Variants in GNL2 observed in about 807,000 individuals in gnomAD.
GNL2 encodes G protein nucleolar 2, also known as nucleolar GTP-binding protein 2.
A neutral mutation model predicts 92.3 loss-of-function variants in GNL2; 51 were observed. That is an observed-to-expected ratio of 0.55 (90% confidence interval 0.44 to 0.70). The LOEUF is 0.70. GNL2 is among the 30% of genes least tolerant of loss of function. The probability of loss-of-function intolerance (pLI) is 0.00; values close to 1 mark genes in which losing one functional copy is unlikely to be tolerated. For missense variants in GNL2, 844 were observed against 895.6 expected (o/e 0.94, Z 0.74); for synonymous variants, 283 against 300.6 (o/e 0.94, Z 0.61).
chr1:37,575,384 G>T lies in GNL2; in HGVS notation c.1143+211C>A, dbSNP rs1643662318. On this transcript the variant is annotated intron_variant, in intron 10 of 15. Transcript: ENST00000373062. The surrounding 1 kb of genome is among the most constrained non-coding windows in gnomAD (Gnocchi z 4.1). ...GTGTGTAAACTACAAACTCTTTTGT[G>T]GGATGATATTGACCAGATATGCCCA... Among the ~76,000 whole-genome samples, 1 of 152,156 alleles carries T rather than the reference G, an allele frequency of 6.6e-6. No individual in the cohort carries two copies. Among genetic ancestry groups the T allele is most frequent in the Non-Finnish European group, 1.5e-5 (1 of 68,030 alleles).
chr1:37,577,326 G>A (rs1042422992), intron 8 of GNL2, among the ~76,000 whole-genome samples: 1 of 151,904 alleles, frequency 6.6e-6, no homozygotes, highest in Non-Finnish European at 1.5e-5. Flanking sequence ...TGAAAGTTAC[G>A]ACTACAGGGT....
intron 8 of GNL2, among the ~76,000 whole-genome samples, chr1:37,579,754 C>T (rs1421218528): frequency 4.8e-5 from 7 of 145,276 alleles, no homozygotes; most frequent in Admixed American, 2.1e-4. Context: ...AAATTAGCTG[C>T]GCGTTGTGGC....
At chr1:37,578,803 G>C (rs1242034219) in intron 8 of GNL2, among the ~76,000 whole-genome samples, 3 of 152,028 alleles carry the variant, frequency 2.0e-5, no homozygotes, top group African/African-American at 7.3e-5. Context: ...CAAGCGATCT[G>C]CCTGCCTCAT....
chr1:37,582,278 A>G lies in GNL2; in HGVS notation c.854T>C (p.Leu285Pro), dbSNP rs1009203045. 1 of 1,613,438 alleles carries G rather than the reference A, an allele frequency of 6.2e-7. No homozygotes were observed. The highest frequency in any genetic ancestry group is 1.3e-5 in the African/African-American group (1 of 74,918). Residue 285 changes from leucine to proline, a missense_variant, in exon 8 of 16, where the codon CTT becomes CCT. Transcript: ENST00000373062. ...TGCTCCCTTGCCAAACGGGTTAGTA[A>G]GGCTTGCATGGAAAGCAAGTGTTGG... ...DYPTLAFHAS[L>P]TNPFGKGAFI...
intron 1 of GNL2, 72 bp downstream of exon 1, chr1:37,595,687 C>A: frequency 7.7e-7 from 1 of 1,295,750 alleles, no homozygotes; most frequent in Non-Finnish European, 1.1e-6. Context: ...CCTCCTTCCC[C>A]TCCAGTGCTC....
At chr1:37,581,494 T>C (rs1053663520) in intron 8 of GNL2, 5 of 455,900 alleles carry the variant, frequency 1.1e-5, no homozygotes, top group Non-Finnish European at 2.2e-5. Flanking sequence ...GGGCAGAGGA[T>C]GCACAGCAGG....
intron 15 of GNL2, 85 bp from the exon 16 acceptor site, chr1:37,567,092 T>G (rs1643516482): frequency 1.5e-6 from 2 of 1,370,390 alleles, no homozygotes; most frequent in Admixed American, 4.3e-5. Context: ...CTGCTTCTCA[T>G]CTCTGTGTTC....
chr1:37,590,485 T>C (rs1643881271), intron 4 of GNL2, among the ~76,000 whole-genome samples: 1 of 152,166 alleles, frequency 6.6e-6, no homozygotes, highest in South Asian at 2.1e-4. Flanking sequence ...AGAGCAAGGA[T>C]TAAAATTCAG....
intron 12 of GNL2, among the ~76,000 whole-genome samples, chr1:37,571,726 G>A (rs771508271): frequency 6.6e-6 from 1 of 152,092 alleles, no homozygotes; most frequent in Non-Finnish European, 1.5e-5. Context: ...TGTGTGCATT[G>A]GGCAACAAAT....
At chr1:37,590,545 T>C (rs530817405) in intron 4 of GNL2, among the ~76,000 whole-genome samples, 161 bp downstream of exon 4, 2 of 152,342 alleles carry the variant, frequency 1.3e-5, no homozygotes, top group South Asian at 4.1e-4. Flanking sequence ...CTGCACCTCA[T>C]ACTAAACATG....
Position 37,581,767 on chromosome 1 carries a change from C to G in GNL2, c.909+456G>C, listed in dbSNP as rs562131043. 2.4e-3 allele frequency among the ~76,000 whole-genome samples: 368 copies of G among 152,248 alleles called. 1 individual carries two copies. Among genetic ancestry groups the G allele is most frequent in the African/African-American group, 8.4e-3 (347 of 41,546 alleles). ...GCAAACTCCGCCTCCCAGGTTCAAG[C>G]GATTCTCCTGCCTCAGTCTCCCCAG... On this transcript the variant is annotated intron_variant, in intron 8 of 15. Transcript: ENST00000373062.
At position 37,580,950 on chromosome 1, in the gene GNL2, C is replaced by T. The variant is rs186700904; in HGVS notation, c.909+1273G>A. ...CCAGCCTGTTAGAGTGGCCACCCTG[C>T]AGGCTGCAACCCTTTATGAGAAATA... On this transcript the variant is annotated intron_variant, in intron 8 of 15. Coordinates refer to ENST00000373062, the MANE Select transcript of GNL2 (RefSeq NM_013285.3). 2.6e-5 allele frequency among the ~76,000 whole-genome samples: 4 copies of T among 152,336 alleles called. No homozygotes were observed. In the East Asian group the frequency reaches 7.7e-4, roughly 29 times the overall value.
At chr1:37,576,849 C>A (rs546584860) in intron 8 of GNL2, among the ~76,000 whole-genome samples, 2 of 152,064 alleles carry the variant, frequency 1.3e-5, no homozygotes, top group Non-Finnish European at 2.9e-5. Flanking sequence ...CAGTGGCTCA[C>A]GCCTGTAATC....
chr1:37,585,112 T>C (rs1481110303), intron 5 of GNL2, among the ~76,000 whole-genome samples: 2 of 90 alleles, frequency 0.022, no homozygotes, highest in Non-Finnish European at 0.05. Context: ...CAGGCTGGAA[T>C]GAGTGGTGCG....
At chr1:37,576,302 T>A (rs1180643771) in intron 9 of GNL2, 126 bp downstream of exon 9, 1 of 822,874 alleles carries the variant, frequency 1.2e-6, no homozygotes, top group African/African-American at 1.7e-5. Flanking sequence ...AACTATTATA[T>A]GGTGAGCTAA....
In GNL2 at chr1:37,593,786, T is replaced by C. The variant is rs150954538; in HGVS notation, c.125A>G (p.Asn42Ser). ...CCTGCGCTCCTTTTGCCTATACATATTCAGGCGCCGGATGGTGGCCCGGTC... is the reference window on the plus strand; with the variant it reads ...CCTGCGCTCCTTTTGCCTATACATACTCAGGCGCCGGATGGTGGCCCGGTC... Reference protein sequence around the residue: ...MRDRATIRRLNMYRQKERRNS... With the variant: ...MRDRATIRRLSMYRQKERRNS... Residue 42 changes from asparagine to serine, a missense_variant, in exon 2 of 16, where the codon AAT (asparagine) becomes AGT (serine). Asn to Ser is a conservative substitution (Grantham distance 46). Coordinates refer to ENST00000373062, the MANE Select transcript of GNL2 (RefSeq NM_013285.3). The C allele has an allele frequency of 3.1e-6, 5 of 1,614,042 alleles. No homozygotes were observed. The highest frequency in any genetic ancestry group is 4.2e-6 in the Non-Finnish European group (5 of 1,179,922).
chr1:37,566,962 GCA>G lies in GNL2; in HGVS notation c.2087_2088del (p.Val696AlafsTer4). On this transcript the variant is annotated frameshift_variant, in exon 16 of 16. Coordinates refer to ENST00000373062, the MANE Select transcript of GNL2 (RefSeq NM_013285.3). LOFTEE classifies it high-confidence loss of function. Reference sequence around the variant, plus strand: ...TTCACGTTGTGTGTTTCATAGTAGCGCACACCAACTTTTTTCGGCCGTTGCTG... The same window carrying G: ...TTCACGTTGTGTGTTTCATAGTAGCGCACCAACTTTTTTCGGCCGTTGCTG... ...VRQQRPKKVG[V>X]RYYETHNVKN... 1.2e-6 allele frequency: 2 copies of G among 1,613,194 alleles called. No homozygotes were observed. Among genetic ancestry groups the G allele is most frequent in the Non-Finnish European group, 1.7e-6 (2 of 1,179,614 alleles).
At chr1:37,587,037 A>G (rs868329309) in intron 5 of GNL2, among the ~76,000 whole-genome samples, 1 of 152,118 alleles carries the variant, frequency 6.6e-6, no homozygotes, top group Non-Finnish European at 1.5e-5. Context: ...GAGGCCAAGG[A>G]GTGTGGATTG....
intron 3 of GNL2, among the ~76,000 whole-genome samples, chr1:37,591,535 T>C (rs1248406541): frequency 2.0e-5 from 3 of 147,618 alleles, no homozygotes; most frequent in Non-Finnish European, 4.5e-5. Flanking sequence ...AGATGGAGTC[T>C]CACTCTGTCA....
Sources: gnomAD v4.1 joint callset for allele counts (sites outside exome capture counted in the v4.1 genomes callset) on GRCh38, gnomAD v4.1.1 for gene constraint, Gnocchi (gnomAD v3.1) non-coding constraint, MANE v1.5 for transcripts, NCBI Gene and HGNC (gene_info 2026-07-23, HGNC 2026-07-21) for gene names.